The following ITIH5 variants were observed in gnomAD, a reference collection of about 807,000 sequenced individuals.
The protein encoded by ITIH5 is inter-alpha-trypsin inhibitor heavy chain H5.
ITIH5 carries 65 observed loss-of-function variants against 77.5 expected under a neutral mutation model. That is an observed-to-expected ratio of 0.84 (90% CI 0.69 to 1.03). The LOEUF (loss-of-function observed/expected upper bound fraction) is 1.03, where lower values mean the gene tolerates loss of function less well. ITIH5 is among the 50% of genes least tolerant of loss of function. The pLI is 0.00. For synonymous variants in ITIH5, 525 were observed against 494.3 expected, an observed-to-expected ratio of 1.06 and a Z score of -0.82; for missense variants, 1,208 against 1,213.1, an observed-to-expected ratio of 1.00 and a Z score of 0.06.
intron 13 of ITIH5, among the ~76,000 whole-genome samples, chr10:7,565,070 G>GTATATA (rs138314369): frequency 0.6 from 80,646 of 135,296 alleles, 25,364 homozygotes; most frequent in Non-Finnish European, 0.71. Context: ...CACATAGACT[G>GTATATA]TATATATATA....
intron 11 of ITIH5, chr10:7,571,896 C>T (rs1368274352): frequency 1.1e-6 from 1 of 873,286 alleles, no homozygotes; most frequent in Non-Finnish European, 1.4e-6. Context: ...TGGTTCGATC[C>T]TTGGGATGCG....
At chr10:7,618,944 A>C (rs1252972095) in intron 5 of ITIH5, 3 of 152,242 alleles carry the variant, frequency 2.0e-5, no homozygotes, top group African/African-American at 7.2e-5. Context: ...ATTTGCACTT[A>C]TCAAGGACAG....
intron 5 of ITIH5, chr10:7,621,580 A>G (rs1373670062): frequency 6.6e-6 from 1 of 152,214 alleles, no homozygotes; most frequent in East Asian, 1.9e-4. Context: ...ACCACCCAGG[A>G]AGAAGCAGAC....
At chr10:7,633,551 A>G (rs1010054484) in intron 5 of ITIH5, among the ~76,000 whole-genome samples, 3 of 152,222 alleles carry the variant, frequency 2.0e-5, no homozygotes, top group African/African-American at 2.4e-5. Context: ...TTGGAATAAA[A>G]TAGACCTATG....
rs762526052 is a variant in ITIH5 at position 7,566,177 on chromosome 10, C to T, written c.2380G>A (p.Ala794Thr). ...CCCTGGATGGTGACGGTGACATTGG[C>T]GTTGGCAGACACGGACACCTCCAGC... ...WGLEVSVSAN[A>T]NVTVTIQGSI... The change falls in exon 13 of 14, where the codon GCC (alanine) becomes ACC (threonine). Residue 794 changes from alanine to threonine, a missense_variant. Coordinates refer to ENST00000397146, the MANE Select transcript of ITIH5 (RefSeq NM_030569.7). The T allele has an allele frequency of 1.1e-5, 18 of 1,613,892 alleles. No homozygotes were observed. Among genetic ancestry groups the T allele is most frequent in the East Asian group, 2.2e-5 (1 of 44,892 alleles).
At position 7,651,302 on chromosome 10, in the gene ITIH5, G is replaced by A. The variant is rs368699719; in HGVS notation, c.135+4329C>T. On this transcript the variant is annotated intron_variant, in intron 2 of 13. Transcript: ENST00000397146. ...CTCCCATATCAAACTCATGCACCTC[G>A]GCTGGGCACGGTGGCTCACGCCTGT... Among the ~76,000 whole-genome samples, 20 of 152,180 alleles carry A rather than the reference G, an allele frequency of 1.3e-4. No individual in the cohort carries two copies. In the East Asian group the frequency reaches 2.7e-3, roughly 21 times the overall value.
Position 7,628,855 on chromosome 10 carries a change from C to G in ITIH5, c.652+8373G>C, listed in dbSNP as rs62642841. On this transcript the variant is annotated intron_variant, in intron 5 of 13. Transcript: ENST00000397146. ...TGTGTCCCTGTTGTAGCGTGTGTCC[C>G]TGTTGTAGCGTGTGTCCGTGTTGTA... is the stretch of plus-strand genomic sequence containing the variant. 4.5e-3 allele frequency among the ~76,000 whole-genome samples: 332 copies of G among 73,378 alleles called. 36 individuals carry two copies. The highest frequency in any genetic ancestry group is 9.8e-3 in the Admixed American group (78 of 7,956). The allele number at this position is 73,378 out of a possible 152,430, so 48.1% of individuals were successfully genotyped here. A position where few individuals can be genotyped will look rare whatever the true frequency, so the allele number is the denominator to read the frequency against.
chr10:7,596,743 T>G (rs1055692722), intron 7 of ITIH5, among the ~76,000 whole-genome samples: 1 of 151,996 alleles, frequency 6.6e-6, no homozygotes, highest in Non-Finnish European at 1.5e-5. Flanking sequence ...ATGAACAATT[T>G]AAAATAATCC....
chr10:7,656,582 G>A (rs1433708892), intron 1 of ITIH5, among the ~76,000 whole-genome samples: 1 of 151,958 alleles, frequency 6.6e-6, no homozygotes, highest in African/African-American at 2.4e-5. Context: ...TAATTTAAAG[G>A]TCTTAGCTGA....
rs1465988698 is a variant in ITIH5 at position 7,617,290 on chromosome 10, C to G, written c.653-8G>C. The G allele has an allele frequency of 2.7e-6, 4 of 1,501,406 alleles. No individual in the cohort carries two copies. In the Middle Eastern group the frequency reaches 5.3e-4, roughly 198 times the overall value. The allele number at this position is 1,501,406 out of a possible 1,614,324, so 93.0% of individuals were successfully genotyped here. A position where few individuals can be genotyped will look rare whatever the true frequency, so the allele number is the denominator to read the frequency against. On this transcript the variant is annotated splice_polypyrimidine_tract_variant and splice_region_variant and intron_variant, in intron 5 of 13. Coordinates refer to ENST00000397146, the MANE Select transcript of ITIH5 (RefSeq NM_030569.7). ...GGGGAGGCCCAGAATCATCTGCAAA[C>G]AAGATAGAAACATAATTAATAACTT... is the stretch of plus-strand genomic sequence containing the variant.
At chr10:7,628,206 C>A (rs576589273) in intron 5 of ITIH5, among the ~76,000 whole-genome samples, 1 of 152,330 alleles carries the variant, frequency 6.6e-6, no homozygotes, top group East Asian at 1.9e-4. Flanking sequence ...TGTGCAAACA[C>A]TACCTCTATT....
intron 10 of ITIH5, among the ~76,000 whole-genome samples, chr10:7,576,091 C>T (rs1832407683): frequency 1.3e-5 from 2 of 152,182 alleles, no homozygotes; most frequent in Non-Finnish European, 2.9e-5. Context: ...ATGGTACGAT[C>T]ATGGCTCACT....
chr10:7,648,585 C>T (rs1252067611), intron 2 of ITIH5, among the ~76,000 whole-genome samples: 2 of 152,210 alleles, frequency 1.3e-5, no homozygotes, highest in East Asian at 1.9e-4. Context: ...CAGAAGTTTA[C>T]AGCTGTAGCT....
chr10:7,600,854 T>C (rs1833000534), intron 7 of ITIH5, among the ~76,000 whole-genome samples: 1 of 152,148 alleles, frequency 6.6e-6, no homozygotes, highest in Non-Finnish European at 1.5e-5. Context: ...TGGGAGGACA[T>C]GCGGAGAACT....
chr10:7,660,085 A>T (rs1438340391), intron 1 of ITIH5, among the ~76,000 whole-genome samples: 1 of 152,224 alleles, frequency 6.6e-6, no homozygotes, highest in Non-Finnish European at 1.5e-5. Flanking sequence ...TTATTTCTCC[A>T]GCATCAGAAC....
chr10:7,573,049 A>G (rs1832335972), intron 11 of ITIH5, 93 bp downstream of exon 11: 1 of 1,218,654 alleles, frequency 8.2e-7, no homozygotes, highest in Non-Finnish European at 1.2e-6. Context: ...AAGTGCTGGG[A>G]TTACAGGCGT....
intron 5 of ITIH5, among the ~76,000 whole-genome samples, chr10:7,628,702 CGT>C (rs1472659295): frequency 6.9e-5 from 10 of 145,796 alleles, no homozygotes; most frequent in African/African-American, 2.5e-4. Context: ...CATGTTGCAG[CGT>C]GTGTCCATGT....
At chr10:7,610,430 T>C (rs1432505241) in intron 7 of ITIH5, among the ~76,000 whole-genome samples, 2 of 152,154 alleles carry the variant, frequency 1.3e-5, no homozygotes, top group Non-Finnish European at 2.9e-5. Flanking sequence ...TCTAAATCAA[T>C]AGTTCAAGTA....
chr10:7,659,656 T>C (rs1245062747), intron 1 of ITIH5, among the ~76,000 whole-genome samples: 4 of 152,140 alleles, frequency 2.6e-5, no homozygotes, highest in Non-Finnish European at 5.9e-5. Flanking sequence ...TTTTGTAAAA[T>C]AGGTTTTCTG....
Sources: gnomAD v4.1 joint callset for allele counts (sites outside exome capture counted in the v4.1 genomes callset) on GRCh38, gnomAD v4.1.1 for gene constraint, MANE v1.5 for transcripts, NCBI Gene and HGNC (gene_info 2026-07-23, HGNC 2026-07-21) for gene names.